ZNF266: variants seen among roughly 807,000 people sequenced by gnomAD.
The protein encoded by ZNF266 is zinc finger protein 266.
A neutral mutation model predicts 16.4 loss-of-function variants in ZNF266; 16 were observed. That is an observed-to-expected ratio of 0.98 (90% CI 0.66 to 1.48). The LOEUF is 1.48. Among genes scored for constraint, ZNF266 ranks in the 40% most tolerant of loss-of-function variants. The probability of loss-of-function intolerance (pLI) is 0.00; values close to 1 mark genes in which losing one functional copy is unlikely to be tolerated. For missense variants in ZNF266, 738 were observed against 689.1 expected, an observed-to-expected ratio of 1.07 and a Z score of -0.79; for synonymous variants, 262 against 237.9, an observed-to-expected ratio of 1.10 and a Z score of -0.93.
chr19:9,419,046 C>T (rs1399196574), intron 7 of ZNF266, 171 bp downstream of exon 7: 1 of 158,150 alleles, frequency 6.3e-6, no homozygotes, highest in Admixed American at 6.3e-5. Context: ...AAGGCAAACC[C>T]TCACCAATAT....
intron 5 of ZNF266, among the ~76,000 whole-genome samples, chr19:9,432,836 T>C (rs1283619727): frequency 5.3e-5 from 8 of 152,160 alleles, no homozygotes; most frequent in Non-Finnish European, 1.0e-4. Flanking sequence ...GACCACCTCC[T>C]ACCACCAAGA....
chr19:9,422,664 T>C (rs558805707), intron 5 of ZNF266, among the ~76,000 whole-genome samples: 19 of 152,224 alleles, frequency 1.2e-4, no homozygotes, highest in Non-Finnish European at 2.5e-4. Flanking sequence ...CTTCCTGCTT[T>C]CCCCGAGTCC....
intron 5 of ZNF266, among the ~76,000 whole-genome samples, chr19:9,426,977 C>G (rs1038051077): frequency 1.3e-5 from 2 of 152,168 alleles, no homozygotes; most frequent in African/African-American, 4.8e-5. Flanking sequence ...GACTTTGACA[C>G]TTACAAATTG....
In ZNF266 at chr19:9,431,729, T is replaced by TA. The variant is rs576696169; in HGVS notation, c.-130+1938dup. Among the ~76,000 whole-genome samples, 693 of 152,260 alleles carry TA rather than the reference T, an allele frequency of 4.6e-3. 15 individuals carry two copies. The highest frequency in any genetic ancestry group is 5.4e-3 in the East Asian group (28 of 5,172). On this transcript the variant is annotated intron_variant, in intron 5 of 10. Coordinates refer to ENST00000592904, the MANE Select transcript of ZNF266 (RefSeq NM_001370374.1). ...TTCAATCTTCCCTAAGGACTATGACTAACTCCCGCCTGAGTAACCCAGCAA... is the reference window on the plus strand; with the variant it reads ...TTCAATCTTCCCTAAGGACTATGACTAAACTCCCGCCTGAGTAACCCAGCAA...
intron 9 of ZNF266, among the ~76,000 whole-genome samples, chr19:9,417,144 G>A (rs2069158418): frequency 6.6e-6 from 1 of 151,936 alleles, no homozygotes; most frequent in Non-Finnish European, 1.5e-5. Context: ...GCCAAGGCAG[G>A]TGGATCACTT....
rs1171233034 is a variant in ZNF266, at chr19:9,419,221, TAACA to T, written c.100_103del (p.Cys34IlefsTer5). 1 of 154,166 alleles carries T rather than the reference TAACA, an allele frequency of 6.5e-6. No homozygotes were observed. Among genetic ancestry groups the T allele is most frequent in the African/African-American group, 2.4e-5 (1 of 41,460 alleles). The allele number at this position is 154,166 out of a possible 1,614,324, so 9.5% of individuals were successfully genotyped here. ...AAGGATATACTTCCTGCATACCTGA[TAACA>T]ATTTGTCAGACAGTCAGCCACCACC... On this transcript the variant is annotated frameshift_variant, in exon 7 of 11. Coordinates refer to ENST00000592904, the MANE Select transcript of ZNF266 (RefSeq NM_001370374.1). LOFTEE classifies it high-confidence loss of function.
At chr19:9,431,403 T>C (rs1000419430) in intron 5 of ZNF266, among the ~76,000 whole-genome samples, 1 of 152,320 alleles carries the variant, frequency 6.6e-6, no homozygotes, top group South Asian at 2.1e-4. Flanking sequence ...GTGTCCCTCA[T>C]GACACAGACA....
At position 9,414,037 on chromosome 19, in the gene ZNF266, A is replaced by G. The variant is rs1249813326; in HGVS notation, c.1089T>C (p.Tyr363=). Residue 363 remains tyrosine, a synonymous_variant, in exon 11 of 11, where the codon TAT becomes TAC. Coordinates refer to ENST00000592904, the MANE Select transcript of ZNF266 (RefSeq NM_001370374.1). ...HMKIHVGEKP[Y]ECKECGIAFT... ...AGGCTATCCCACATTCCTTGCATTCATAAGGCTTCTCACCCACATGGATTT... is the reference window on the plus strand; with the variant it reads ...AGGCTATCCCACATTCCTTGCATTCGTAAGGCTTCTCACCCACATGGATTT... 6.2e-6 allele frequency: 10 copies of G among 1,614,028 alleles called. No homozygotes were observed. The highest frequency in any genetic ancestry group is 1.1e-5 in the South Asian group (1 of 91,084).
chr19:9,433,447 A>T (rs1158843223), intron 5 of ZNF266, among the ~76,000 whole-genome samples: 1 of 152,188 alleles, frequency 6.6e-6, no homozygotes, highest in African/African-American at 2.4e-5. Flanking sequence ...CCAAAAGTGA[A>T]TTGAAAAAAA....
At chr19:9,432,615 T>C (rs1007834920) in intron 5 of ZNF266, among the ~76,000 whole-genome samples, 4 of 152,364 alleles carry the variant, frequency 2.6e-5, no homozygotes, top group East Asian at 1.9e-4. Flanking sequence ...TCCTACAGCA[T>C]ATTTCTGGTC....
chr19:9,415,793 T>TG lies in ZNF266; in HGVS notation c.317-52dup, dbSNP rs768608491. Reference sequence around the variant, plus strand: ...TTTGGAGACATACAGGGTAGACAGATGGAGCTGAAAATGAGAGGGATCATT... The same window carrying TG: ...TTTGGAGACATACAGGGTAGACAGATGGGAGCTGAAAATGAGAGGGATCATT... On this transcript the variant is annotated intron_variant, in intron 9 of 10. Coordinates refer to ENST00000592904, the MANE Select transcript of ZNF266 (RefSeq NM_001370374.1). The TG allele has an allele frequency of 4.0e-6, 6 of 1,481,728 alleles. No individual in the cohort carries two copies. The African/African-American group carries it at 5.6e-5, about 14-fold the overall frequency. The allele number at this position is 1,481,728 out of a possible 1,614,324, so 91.8% of individuals were successfully genotyped here. A position where few individuals can be genotyped will look rare whatever the true frequency, so the allele number is the denominator to read the frequency against.
intron 9 of ZNF266, among the ~76,000 whole-genome samples, chr19:9,417,604 G>A (rs988156310): frequency 1.2e-4 from 19 of 152,138 alleles, no homozygotes; most frequent in Non-Finnish European, 2.2e-4. Context: ...GCGTGAGCCT[G>A]TAATCCCAGC....
At chr19:9,416,693 A>T (rs1352628240) in intron 9 of ZNF266, among the ~76,000 whole-genome samples, 2 of 78,762 alleles carry the variant, frequency 2.5e-5, no homozygotes, top group African/African-American at 1.1e-4. Context: ...TTTTTTTGAG[A>T]CAGAGTCTTG....
rs559591424 is a variant in ZNF266, at chr19:9,416,421, T to C, written c.317-679A>G. On this transcript the variant is annotated intron_variant, in intron 9 of 10. Coordinates refer to ENST00000592904, the MANE Select transcript of ZNF266 (RefSeq NM_001370374.1). ...TCTTGTCACTCAGGCTGGAGTGCAA[T>C]AGAACAATCTCGGCTCACTGCAACT... 3.8e-4 allele frequency among the ~76,000 whole-genome samples: 57 copies of C among 148,964 alleles called. No homozygotes were observed. The South Asian group carries it at 6.4e-3, about 17-fold the overall frequency.
At chr19:9,429,687 T>C (rs867160060) in intron 5 of ZNF266, among the ~76,000 whole-genome samples, 2 of 152,106 alleles carry the variant, frequency 1.3e-5, no homozygotes, top group African/African-American at 4.8e-5. Context: ...CACAGAACAT[T>C]TTTTTCTTTC....
intron 5 of ZNF266, among the ~76,000 whole-genome samples, chr19:9,426,143 C>T (rs1479853224): frequency 1.3e-5 from 2 of 151,976 alleles, no homozygotes; most frequent in African/African-American, 4.8e-5. Flanking sequence ...TGCTCTACGC[C>T]CCCACCCTGA....
At position 9,414,486 on chromosome 19, in the gene ZNF266, G is replaced by A. The variant is rs1352743957; in HGVS notation, c.640C>T (p.Gln214Ter). 2 of 1,614,190 alleles carry A rather than the reference G, an allele frequency of 1.2e-6. No individual in the cohort carries two copies. The highest frequency in any genetic ancestry group is 4.5e-5 in the East Asian group (2 of 44,882). The part of the protein sequence containing the change: ...AFSLNPDVVC[Q>*]RTCTGEKAFD... ...GCTTTCTCTCCTGTGCACGTTCTCTGGCAAACAACATCTGGGTTCAGGCTG... is the reference window on the plus strand; with the variant it reads ...GCTTTCTCTCCTGTGCACGTTCTCTAGCAAACAACATCTGGGTTCAGGCTG... The change falls in exon 11 of 11, where the codon CAG (glutamine) becomes TAG (stop). Residue 214 changes from glutamine to a stop codon, truncating the protein, a stop_gained. Coordinates refer to ENST00000592904, the MANE Select transcript of ZNF266 (RefSeq NM_001370374.1). LOFTEE classifies it low-confidence loss of function (END_TRUNC).
intron 3 of ZNF266, 116 bp downstream of exon 3, chr19:9,434,682 T>A (rs2072186107): frequency 1.3e-5 from 2 of 152,194 alleles, no homozygotes; most frequent in South Asian, 2.1e-4. Context: ...ATTAACAACA[T>A]TTTAAATTTT....
In ZNF266 at chr19:9,413,425, G is replaced by A; in HGVS notation, c.1701C>T (p.Ser567=). 1 of 1,614,150 alleles carries A rather than the reference G, an allele frequency of 6.2e-7. No homozygotes were observed. The highest frequency in any genetic ancestry group is 8.5e-7 in the Non-Finnish European group (1 of 1,180,028). ...KPYKCKQCGK[S]FSYSNSFQLH... ...ACTGAAACGAATTGGAGTAACTGAAGGATTTCCCACACTGTTTACATTTGT... is the reference window on the plus strand; with the variant it reads ...ACTGAAACGAATTGGAGTAACTGAAAGATTTCCCACACTGTTTACATTTGT... The change falls in exon 11 of 11, where the codon TCC becomes TCT. Residue 567 remains serine, a synonymous_variant. Coordinates refer to ENST00000592904, the MANE Select transcript of ZNF266 (RefSeq NM_001370374.1).
Sources: gnomAD v4.1 joint callset for allele counts (sites outside exome capture counted in the v4.1 genomes callset) on GRCh38, gnomAD v4.1.1 for gene constraint, MANE v1.5 for transcripts, NCBI Gene and HGNC (gene_info 2026-07-23, HGNC 2026-07-21) for gene names.